Variants in TCF12 observed in about 807,000 individuals in gnomAD.
TCF12 encodes the protein transcription factor 12.
A neutral mutation model predicts 86.0 loss-of-function variants in TCF12; 45 were observed. The ratio of observed to expected loss-of-function variants is 0.52; its 90% CI spans 0.41 to 0.67. The LOEUF is 0.67. Ranked by LOEUF, TCF12 falls within the 30% of genes least tolerant of loss-of-function variation. TCF12 has a pLI of 0.00. For missense variants in TCF12, 881 were observed against 859.9 expected, an observed-to-expected ratio of 1.02 and a Z score of -0.31; for synonymous variants, 330 against 299.6, an observed-to-expected ratio of 1.10 and a Z score of -1.05.
intron 5 of TCF12, among the ~76,000 whole-genome samples, chr15:57,129,482 G>A (rs1262081302): frequency 6.6e-6 from 1 of 152,164 alleles, no homozygotes; most frequent in African/African-American, 2.4e-5. Context: ...AGCCTGGGGA[G>A]GTCAAGGCTG....
chr15:57,255,934 C>G (rs756896212), intron 16 of TCF12, among the ~76,000 whole-genome samples: 9 of 152,236 alleles, frequency 5.9e-5, no homozygotes, highest in Non-Finnish European at 1.2e-4. Flanking sequence ...TCACAGCCTT[C>G]TCTTCAGTCC....
chr15:57,047,203 A>T (rs968621839), intron 3 of TCF12, among the ~76,000 whole-genome samples: 1 of 152,228 alleles, frequency 6.6e-6, no homozygotes, highest in Non-Finnish European at 1.5e-5. Flanking sequence ...TACATACTTG[A>T]TAGGTATTCT....
At chr15:56,969,958 CTG>C (rs1473358546) in intron 3 of TCF12, among the ~76,000 whole-genome samples, 2 of 152,048 alleles carry the variant, frequency 1.3e-5, no homozygotes, top group African/African-American at 2.4e-5. Flanking sequence ...TTAATGGTGG[CTG>C]TGTGTGTGGT....
intron 4 of TCF12, among the ~76,000 whole-genome samples, chr15:57,083,883 A>G (rs2048466234): frequency 6.6e-6 from 1 of 152,188 alleles, no homozygotes; most frequent in South Asian, 2.1e-4. Flanking sequence ...ACCCAGCTCT[A>G]TAAATTTTAT....
chr15:56,984,141 C>A (rs1184930621), intron 3 of TCF12, among the ~76,000 whole-genome samples: 1 of 151,622 alleles, frequency 6.6e-6, no homozygotes, highest in Non-Finnish European at 1.5e-5. Flanking sequence ...CCTTTATGAA[C>A]CATATATGTT....
rs144542548 is a variant in TCF12, at chr15:57,171,578, T to C, written c.390+5112T>C. ...TAATGTACATAAAATGCTGCTGACA[T>C]ACTGCAAAATTCAGACTAATTTAAT... On this transcript the variant is annotated intron_variant, in intron 6 of 20. Coordinates refer to ENST00000333725, the MANE Select transcript of TCF12 (RefSeq NM_207037.2). Among the ~76,000 whole-genome samples the C allele has an allele frequency of 2.3e-3, 349 of 152,332 alleles. 1 individual carries two copies. The highest frequency in any genetic ancestry group is 8.1e-3 in the African/African-American group (335 of 41,578).
intron 8 of TCF12, among the ~76,000 whole-genome samples, chr15:57,204,290 T>A (rs1183065755): frequency 6.6e-6 from 1 of 151,900 alleles, no homozygotes; most frequent in Non-Finnish European, 1.5e-5. Context: ...CACAAAAAAA[T>A]ATTTTAAAAA....
At chr15:57,194,893 A>C in intron 7 of TCF12, among the ~76,000 whole-genome samples, 1 of 151,914 alleles carries the variant, frequency 6.6e-6, no homozygotes, top group East Asian at 1.9e-4. Flanking sequence ...TATTCTATTC[A>C]CTTATATTTA....
chr15:57,033,338 CATG>C (rs2066317256), intron 3 of TCF12, among the ~76,000 whole-genome samples: 1 of 152,076 alleles, frequency 6.6e-6, no homozygotes, highest in South Asian at 2.1e-4. Flanking sequence ...AATTTTACCA[CATG>C]AGAATTTAAA....
At chr15:57,115,785 A>G (rs148526112) in intron 5 of TCF12, among the ~76,000 whole-genome samples, 22 of 152,244 alleles carry the variant, frequency 1.4e-4, no homozygotes, top group African/African-American at 4.8e-4. Flanking sequence ...ATGGATGACA[A>G]TTTACTGAAT....
intron 4 of TCF12, among the ~76,000 whole-genome samples, chr15:57,091,468 G>T (rs951856800): frequency 1.4e-4 from 21 of 152,010 alleles, no homozygotes; most frequent in African/African-American, 4.8e-4. Context: ...GGTAATTTTA[G>T]TAATAGTTTA....
chr15:57,282,577 G>C lies in TCF12; in HGVS notation c.2111G>C (p.Gly704Ala). The change falls in exon 20 of 21, where the codon GGT becomes GCT. Residue 704 changes from glycine to alanine, a missense_variant. Physicochemically the swap from Gly to Ala is moderately conservative, Grantham distance 60. Around this residue, in one of 3 missense-constraint regions of TCF12, gnomAD observed 69 missense variants for 64.2 expected, o/e 1.07. Transcript: ENST00000333725. ...CTTAGTGAAACTACCAACCCTATGGGTCATATGTAAACATCAGCCAGGTAA... is the reference window on the plus strand; with the variant it reads ...CTTAGTGAAACTACCAACCCTATGGCTCATATGTAAACATCAGCCAGGTAA... ...PGLSETTNPM[G>A]HM The C allele has an allele frequency of 6.2e-7, 1 of 1,613,430 alleles. No homozygotes were observed. The highest frequency in any genetic ancestry group is 8.5e-7 in the Non-Finnish European group (1 of 1,179,846).
At chr15:56,991,632 G>A (rs1481748562) in intron 3 of TCF12, among the ~76,000 whole-genome samples, 4 of 152,052 alleles carry the variant, frequency 2.6e-5, no homozygotes, top group South Asian at 2.1e-4. Flanking sequence ...AATGAAGATG[G>A]TCTAAAGATT....
At chr15:57,108,687 A>G (rs1178899311) in intron 5 of TCF12, among the ~76,000 whole-genome samples, 2 of 151,932 alleles carry the variant, frequency 1.3e-5, no homozygotes, top group African/African-American at 2.4e-5. Flanking sequence ...GTTGGGGGGT[A>G]GGAGTGGGTT....
intron 12 of TCF12, among the ~76,000 whole-genome samples, chr15:57,239,225 C>T (rs1448456057): frequency 6.6e-6 from 1 of 152,032 alleles, no homozygotes; most frequent in Non-Finnish European, 1.5e-5. Flanking sequence ...GTGGTGCATG[C>T]CTGTAATCCC....
downstream of TCF12, among the ~76,000 whole-genome samples, chr15:57,290,064 G>T (rs1237963880): frequency 6.6e-6 from 1 of 151,210 alleles, no homozygotes; most frequent in African/African-American, 2.4e-5. Context: ...AGTGAGTCTG[G>T]CTGGGCGTGG....
intron 5 of TCF12, among the ~76,000 whole-genome samples, chr15:57,097,931 G>A (rs926612135): frequency 1.3e-5 from 2 of 150,186 alleles, no homozygotes; most frequent in Admixed American, 6.7e-5. Context: ...TGAGGCAGGT[G>A]GATCACCTGA....
rs1014452809 is a variant in TCF12, at chr15:57,132,292, T to G, written c.326-34110T>G. ...TTTTTCTTTTAGACTGTAGAATATG[T>G]AATCACTATTAGCCTTTTGTGCAAA... On this transcript the variant is annotated intron_variant, in intron 5 of 20. Coordinates refer to ENST00000333725, the MANE Select transcript of TCF12 (RefSeq NM_207037.2). 3.3e-5 allele frequency among the ~76,000 whole-genome samples: 5 copies of G among 152,262 alleles called. No homozygotes were observed. In the East Asian group the frequency reaches 9.6e-4, roughly 29 times the overall value.
At chr15:57,208,335 A>ATTCTTATAGTC (rs565359770) in intron 8 of TCF12, among the ~76,000 whole-genome samples, 157 of 146,418 alleles carry the variant, frequency 1.1e-3, no homozygotes, top group African/African-American at 3.8e-3. Flanking sequence ...CCTGGCCAAG[A>ATTCTTATAGTC]TTCTTATAGT....
Sources: allele counts gnomAD v4.1 joint callset (sites outside exome capture counted in the v4.1 genomes callset), GRCh38; gene constraint gnomAD v4.1.1; regional missense constraint gnomAD v4.1.1; transcripts MANE v1.5; gene names NCBI Gene and HGNC (gene_info 2026-07-23, HGNC 2026-07-21).